Variants in ODAD2 observed in about 807,000 individuals in gnomAD.
The protein encoded by ODAD2 is outer dynein arm-docking complex subunit 2.
A neutral mutation model predicts 106.8 loss-of-function variants in ODAD2; 89 were observed. The observed-to-expected ratio is 0.83, with a 90% CI of 0.70 to 0.99. The LOEUF is 0.99. Ranked by LOEUF, ODAD2 falls within the 50% of genes least tolerant of loss-of-function variation. ODAD2 has a pLI of 0.00. For synonymous variants in ODAD2, 404 were observed against 436.2 expected (o/e 0.93, Z 0.92); for missense variants, 1,168 against 1,238.5 (o/e 0.94, Z 0.85).
intron 17 of ODAD2, among the ~76,000 whole-genome samples, chr10:27,869,049 T>TG (rs1840663744): frequency 2.6e-5 from 4 of 151,742 alleles, no homozygotes; most frequent in Admixed American, 6.6e-5. Context: ...ATTGCTGAAG[T>TG]TGTAATTAGG....
intron 17 of ODAD2, among the ~76,000 whole-genome samples, chr10:27,874,314 G>T (rs570178679): frequency 3.1e-4 from 47 of 152,226 alleles, no homozygotes; most frequent in African/African-American, 1.0e-3. Context: ...TACCCACTTT[G>T]CCAGTCTGTG....
intron 19 of ODAD2, among the ~76,000 whole-genome samples, chr10:27,840,571 T>C (rs555915006): frequency 5.0e-4 from 76 of 152,308 alleles, no homozygotes; most frequent in African/African-American, 1.8e-3. Flanking sequence ...TTCCCTTGTC[T>C]GAGATTTTTG....
chr10:27,912,444 G>C (rs780497229), intron 16 of ODAD2, among the ~76,000 whole-genome samples: 1 of 152,054 alleles, frequency 6.6e-6, no homozygotes, highest in African/African-American at 2.4e-5. Flanking sequence ...GCAGCTGTTT[G>C]CTACGTTTCT....
intron 7 of ODAD2, among the ~76,000 whole-genome samples, chr10:27,978,505 A>G (rs188526899): frequency 5.3e-4 from 80 of 152,264 alleles, no homozygotes; most frequent in Non-Finnish European, 2.4e-4. Flanking sequence ...AGAAAAGGAA[A>G]ACTGGAGCCG....
intron 19 of ODAD2, among the ~76,000 whole-genome samples, chr10:27,847,439 T>G (rs2133184713): frequency 6.6e-6 from 1 of 152,258 alleles, no homozygotes; most frequent in South Asian, 2.1e-4. Context: ...TAATAAGAGC[T>G]ATTTATGACA....
chr10:27,836,497 T>C (rs1422135264), intron 19 of ODAD2, among the ~76,000 whole-genome samples: 1 of 152,220 alleles, frequency 6.6e-6, no homozygotes, highest in African/African-American at 2.4e-5. Context: ...TGTAAACATA[T>C]CTATACCATC....
At chr10:27,828,706 C>G (rs894147191) in intron 19 of ODAD2, among the ~76,000 whole-genome samples, 25 of 152,102 alleles carry the variant, frequency 1.6e-4, no homozygotes, top group Admixed American at 9.2e-4. Context: ...TATAAAGAAG[C>G]TTTCCATGAA....
chr10:27,827,203 T>C (rs1391510330), intron 19 of ODAD2, among the ~76,000 whole-genome samples: 1 of 152,022 alleles, frequency 6.6e-6, no homozygotes, highest in Admixed American at 6.6e-5. Flanking sequence ...ATCCCTTTCT[T>C]AACCCATTAT....
chr10:27,898,594 A>G (rs1354029964), intron 17 of ODAD2, among the ~76,000 whole-genome samples: 1 of 152,158 alleles, frequency 6.6e-6, no homozygotes, highest in African/African-American at 2.4e-5. Flanking sequence ...AAGGATTTGT[A>G]TCAATCTTTC....
chr10:27,891,278 C>A (rs1274331190), intron 17 of ODAD2, among the ~76,000 whole-genome samples: 1 of 152,196 alleles, frequency 6.6e-6, no homozygotes, highest in Non-Finnish European at 1.5e-5. Context: ...CAGAAATTAA[C>A]TTCTCTTCTC....
intron 19 of ODAD2, 53 bp downstream of exon 19, chr10:27,860,572 T>C: frequency 6.4e-7 from 1 of 1,550,822 alleles, no homozygotes; most frequent in Non-Finnish European, 8.9e-7. Context: ...TAAGTTTCTT[T>C]CCAGGCTACA....
intron 19 of ODAD2, among the ~76,000 whole-genome samples, chr10:27,827,379 C>CTATATATATATA (rs10580710): frequency 2.8e-3 from 368 of 132,388 alleles, no homozygotes; most frequent in African/African-American, 7.6e-3. Context: ...CACACACACA[C>CTATATATATATA]TATATATATA....
intron 1 of ODAD2, 114 bp from the exon 2 acceptor site, chr10:27,995,294 T>A (rs1447335030): frequency 8.4e-7 from 1 of 1,187,730 alleles, no homozygotes; most frequent in African/African-American, 1.6e-5. Context: ...CTTATTAATC[T>A]TGGAAGATTC....
chr10:27,863,326 T>C (rs987307373), intron 17 of ODAD2, among the ~76,000 whole-genome samples: 2 of 152,090 alleles, frequency 1.3e-5, no homozygotes, highest in Admixed American at 1.3e-4. Context: ...AATCCAAAAA[T>C]TATGGCACTA....
chr10:27,939,631 G>T (rs1265336857), intron 14 of ODAD2, among the ~76,000 whole-genome samples: 1 of 152,086 alleles, frequency 6.6e-6, no homozygotes, highest in African/African-American at 2.4e-5. Context: ...CCGGCTACTT[G>T]GGAGGCAGAG....
rs1220368358 is a variant in ODAD2, at chr10:27,960,492, G to A, written c.1386+1076C>T. Reference sequence around the variant, plus strand: ...ATCCCGAGTAGCTGGGATTACAGGCGTGTGCCACCACGCCCAGCTAATTTT... The same window carrying A: ...ATCCCGAGTAGCTGGGATTACAGGCATGTGCCACCACGCCCAGCTAATTTT... On this transcript the variant is annotated intron_variant, in intron 10 of 19. Coordinates refer to ENST00000305242, the MANE Select transcript of ODAD2 (RefSeq NM_018076.5). Among the ~76,000 whole-genome samples the A allele has an allele frequency of 2.9e-4, 44 of 151,662 alleles. No individual in the cohort carries two copies. In the East Asian group the frequency reaches 6.8e-3, roughly 23 times the overall value.
intron 17 of ODAD2, among the ~76,000 whole-genome samples, chr10:27,877,737 T>C (rs1157215906): frequency 3.3e-5 from 5 of 152,136 alleles, no homozygotes; most frequent in Admixed American, 3.3e-4. Flanking sequence ...GTTTCACCAC[T>C]GGTACAATAT....
At chr10:27,828,927 C>T (rs1271123099) in intron 19 of ODAD2, among the ~76,000 whole-genome samples, 2 of 152,024 alleles carry the variant, frequency 1.3e-5, no homozygotes, top group African/African-American at 2.4e-5. Context: ...AGTATAAGTT[C>T]CTAATGTTAT....
intron 7 of ODAD2, 49 bp from the exon 8 acceptor site, chr10:27,971,362 G>A: frequency 6.9e-7 from 1 of 1,446,660 alleles, no homozygotes; most frequent in Non-Finnish European, 9.3e-7. Context: ...GAATTATCTA[G>A]TGTTCTCTGA....
Sources: allele counts gnomAD v4.1 joint callset (sites outside exome capture counted in the v4.1 genomes callset), GRCh38; gene constraint gnomAD v4.1.1; transcripts MANE v1.5; gene names NCBI Gene and HGNC (gene_info 2026-07-23, HGNC 2026-07-21).